The following RAB12 variants were observed in gnomAD, a reference collection of about 807,000 sequenced individuals.
RAB12 encodes the protein ras-related protein Rab-12.
RAB12 carries 11 observed loss-of-function variants against 28.4 expected under a neutral mutation model. That is an observed-to-expected ratio of 0.39 (90% CI 0.24 to 0.64). The LOEUF (loss-of-function observed/expected upper bound fraction) is 0.64. RAB12 is among the 30% of genes least tolerant of loss of function. The probability of loss-of-function intolerance (pLI) is 0.50; values close to 1 mark genes in which losing one functional copy is unlikely to be tolerated. For synonymous variants in RAB12, 138 were observed against 145.3 expected (o/e 0.95, Z 0.36); for missense variants, 276 against 351.1 (o/e 0.79, Z 1.71).
intron 2 of RAB12, among the ~76,000 whole-genome samples, chr18:8,630,875 G>A (rs958154244): frequency 2.6e-5 from 4 of 151,844 alleles, no homozygotes; most frequent in Non-Finnish European, 5.9e-5. Context: ...AGCCAATTCT[G>A]GTTTGTTTTT....
intron 1 of RAB12, among the ~76,000 whole-genome samples, chr18:8,620,164 T>TTTTTTTTTTTAAAA (rs1241560251): frequency 1.8e-5 from 1 of 55,348 alleles, no homozygotes; most frequent in Non-Finnish European, 3.4e-5. Context: ...TTTTTTTGCT[T>TTTTTTTTTTTAAAA]CAAAAAAAAA....
chr18:8,629,269 T>C (rs1320013366), intron 2 of RAB12, among the ~76,000 whole-genome samples: 3 of 152,216 alleles, frequency 2.0e-5, no homozygotes, highest in Non-Finnish European at 2.9e-5. Flanking sequence ...ATAATTTTAT[T>C]CATTGACTCT....
chr18:8,639,155 T>G lies in RAB12; in HGVS notation c.*893T>G, dbSNP rs1359442248. 2 of 95,252 alleles carry G rather than the reference T, an allele frequency of 2.1e-5. No homozygotes were observed. The highest frequency in any genetic ancestry group is 4.5e-5 in the African/African-American group (1 of 22,210). The allele number at this position is 95,252 out of a possible 1,614,324, so 5.9% of individuals were successfully genotyped here. A position where few individuals can be genotyped will look rare whatever the true frequency, so the allele number is the denominator to read the frequency against. On this transcript the variant is annotated 3_prime_UTR_variant, in exon 6 of 6. Coordinates refer to ENST00000649141, the MANE Select transcript of RAB12 (RefSeq NM_001025300.3). ...TAAGCCTAGACTGTGTTCTTTTTTT[T>G]TTTTTTTTTTTTTTTTTTTTTTTTT...
intron 1 of RAB12, among the ~76,000 whole-genome samples, chr18:8,610,744 T>C (rs1044755276): frequency 3.3e-5 from 5 of 152,224 alleles, no homozygotes; most frequent in African/African-American, 1.2e-4. Context: ...CAGTTGTTTC[T>C]ATGGAAAACC....
chr18:8,610,480 G>T (rs968310856), intron 1 of RAB12, among the ~76,000 whole-genome samples: 1 of 152,232 alleles, frequency 6.6e-6, no homozygotes, highest in Non-Finnish European at 1.5e-5. Flanking sequence ...CGTGCTAGCC[G>T]TACGTACGGG....
At chr18:8,610,332 A>T (rs2096003083) in intron 1 of RAB12, among the ~76,000 whole-genome samples, 1 of 152,212 alleles carries the variant, frequency 6.6e-6, no homozygotes, top group Non-Finnish European at 1.5e-5. Flanking sequence ...CCGGCCCGCC[A>T]AGGCCAGCGC....
chr18:8,621,636 G>A (rs1295696686), intron 1 of RAB12, among the ~76,000 whole-genome samples: 3 of 152,022 alleles, frequency 2.0e-5, no homozygotes, highest in East Asian at 3.9e-4. Context: ...TTTTATTTTA[G>A]GGTCAGGGGG....
At chr18:8,615,688 A>G (rs944598012) in intron 1 of RAB12, among the ~76,000 whole-genome samples, 1 of 152,204 alleles carries the variant, frequency 6.6e-6, no homozygotes, top group East Asian at 1.9e-4. Context: ...AACTTAATGC[A>G]AGCTGAGAGG....
intron 4 of RAB12, 55 bp from the exon 5 acceptor site, chr18:8,636,198 G>A (rs375536599): frequency 1.3e-4 from 157 of 1,187,080 alleles, no homozygotes; most frequent in African/African-American, 3.3e-4. Flanking sequence ...CCTCATGCTC[G>A]CACGCTGGTC....
intron 2 of RAB12, among the ~76,000 whole-genome samples, chr18:8,627,718 G>A: frequency 6.6e-6 from 1 of 152,128 alleles, no homozygotes. Flanking sequence ...CTTACCTTTA[G>A]GCAAACACAG....
At chr18:8,627,661 G>C (rs1313658161) in intron 2 of RAB12, among the ~76,000 whole-genome samples, 1 of 152,208 alleles carries the variant, frequency 6.6e-6, no homozygotes, top group African/African-American at 2.4e-5. Context: ...TATTTACAGT[G>C]AACTTGGAGT....
intron 2 of RAB12, among the ~76,000 whole-genome samples, chr18:8,630,870 A>G (rs188156222): frequency 6.6e-6 from 1 of 152,042 alleles, no homozygotes; most frequent in South Asian, 2.1e-4. Context: ...AACAAAGCCA[A>G]TTCTGGTTTG....
At chr18:8,610,574 T>G (rs1172801276) in intron 1 of RAB12, among the ~76,000 whole-genome samples, 1 of 152,212 alleles carries the variant, frequency 6.6e-6, no homozygotes, top group Non-Finnish European at 1.5e-5. Flanking sequence ...CCAGTACCGC[T>G]GTTTTCGGTG....
At chr18:8,635,469 A>C in intron 3 of RAB12, 64 bp from the exon 4 acceptor site, 1 of 1,167,216 alleles carries the variant, frequency 8.6e-7, no homozygotes, top group Non-Finnish European at 1.3e-6. Context: ...ATCGGTTTAT[A>C]TTTCTGCTGT....
At chr18:8,625,059 T>G in intron 2 of RAB12, 61 bp downstream of exon 2, 3 of 1,077,384 alleles carry the variant, frequency 2.8e-6, no homozygotes, top group Non-Finnish European at 4.2e-6. Context: ...CATGTACTTG[T>G]CTAATAAAAT....
chr18:8,624,901 GT>G (rs760240405), intron 1 of RAB12, 36 bp from the exon 2 acceptor site: 71 of 1,285,890 alleles, frequency 5.5e-5, no homozygotes, highest in Non-Finnish European at 7.3e-5. Context: ...TTGCATCTTT[GT>G]TGTTTTTGCT....
chr18:8,630,343 T>G (rs1447423223), intron 2 of RAB12, among the ~76,000 whole-genome samples: 2 of 152,096 alleles, frequency 1.3e-5, no homozygotes, highest in Non-Finnish European at 2.9e-5. Context: ...TAGCAGTTGG[T>G]TGAAAGAGTT....
chr18:8,611,910 T>C (rs954430820), intron 1 of RAB12, among the ~76,000 whole-genome samples: 3 of 152,234 alleles, frequency 2.0e-5, no homozygotes. Flanking sequence ...ACTTTAGTAC[T>C]CAGTGCGTGC....
At chr18:8,630,099 A>G (rs2096015064) in intron 2 of RAB12, among the ~76,000 whole-genome samples, 1 of 152,186 alleles carries the variant, frequency 6.6e-6, no homozygotes, top group African/African-American at 2.4e-5. Flanking sequence ...GGTCTCAATC[A>G]ATTTAGAGAG....
Sources: allele counts gnomAD v4.1 joint callset (sites outside exome capture counted in the v4.1 genomes callset), GRCh38; gene constraint gnomAD v4.1.1; transcripts MANE v1.5; gene names NCBI Gene and HGNC (gene_info 2026-07-23, HGNC 2026-07-21).